PBX3: variants seen among roughly 807,000 people sequenced by gnomAD.
PBX3 encodes PBX homeobox 3.
Under a neutral mutation model 48.5 loss-of-function variants are expected in PBX3, and 14 were observed. That is an observed-to-expected ratio of 0.29 (90% CI 0.19 to 0.45). The LOEUF is 0.45. Ranked by LOEUF, PBX3 falls within the 20% of genes least tolerant of loss-of-function variation. The probability of loss-of-function intolerance (pLI) is 1.00; values close to 1 mark genes in which losing one functional copy is unlikely to be tolerated. For missense variants in PBX3, 386 were observed against 546.7 expected, an observed-to-expected ratio of 0.71 and a Z score of 2.93; for synonymous variants, 210 against 200.3, an observed-to-expected ratio of 1.05 and a Z score of -0.41.
chr9:125,752,799 T>A (rs933792170), intron 2 of PBX3, among the ~76,000 whole-genome samples: 3 of 152,254 alleles, frequency 2.0e-5, no homozygotes, highest in Admixed American at 2.0e-4. Flanking sequence ...TGTTATTATA[T>A]ATTTTGCATA....
At chr9:125,885,612 A>G (rs929277623) in intron 2 of PBX3, among the ~76,000 whole-genome samples, 29 of 152,150 alleles carry the variant, frequency 1.9e-4, no homozygotes, top group Non-Finnish European at 3.5e-4. Context: ...AAGTGCAACC[A>G]TATTGCTTCC....
intron 2 of PBX3, among the ~76,000 whole-genome samples, chr9:125,754,588 C>T (rs1252973838): frequency 9.3e-6 from 1 of 107,448 alleles, no homozygotes; most frequent in African/African-American, 2.7e-5. Flanking sequence ...TGCCTTCAAA[C>T]TCAGAACATA....
intron 2 of PBX3, among the ~76,000 whole-genome samples, chr9:125,822,502 T>A (rs1838682065): frequency 6.6e-6 from 1 of 152,174 alleles, no homozygotes; most frequent in Admixed American, 6.5e-5. Flanking sequence ...TCCTTAGATG[T>A]GGTTTTTCAT....
At chr9:125,843,770 C>T in intron 2 of PBX3, 2 of 455,602 alleles carry the variant, frequency 4.4e-6, no homozygotes, top group South Asian at 3.1e-5. Context: ...TGAAGGGAGC[C>T]AGAACATGAA....
intron 5 of PBX3, among the ~76,000 whole-genome samples, chr9:125,954,534 GT>G (rs1404690158): frequency 1.3e-5 from 2 of 152,036 alleles, no homozygotes; most frequent in Non-Finnish European, 2.9e-5. Context: ...GCAAGTTTAT[GT>G]TTTTTTGTTT....
chr9:125,870,628 G>A (rs1840099242), intron 2 of PBX3, among the ~76,000 whole-genome samples: 1 of 152,142 alleles, frequency 6.6e-6, no homozygotes, highest in Non-Finnish European at 1.5e-5. Flanking sequence ...TTCAAGATGA[G>A]GTTTGGGTGG....
intron 4 of PBX3, 78 bp downstream of exon 4, chr9:125,929,923 C>T (rs1027846238): frequency 9.0e-7 from 1 of 1,106,406 alleles, no homozygotes; most frequent in African/African-American, 1.6e-5. Context: ...TAAAACTGAC[C>T]AGTTGGTCTT....
intron 2 of PBX3, among the ~76,000 whole-genome samples, chr9:125,775,197 T>C (rs146922939): frequency 1.3e-5 from 2 of 152,272 alleles, no homozygotes; most frequent in Admixed American, 6.5e-5. Flanking sequence ...TCAACACTTA[T>C]TATTTTCCAT....
At chr9:125,859,996 C>G (rs1839820668) in intron 2 of PBX3, among the ~76,000 whole-genome samples, 1 of 152,212 alleles carries the variant, frequency 6.6e-6, no homozygotes, top group African/African-American at 2.4e-5. Context: ...GGGCTTAAAT[C>G]TCCTATGGGA....
At chr9:125,891,626 GTTTTC>G (rs1445891117) in intron 2 of PBX3, among the ~76,000 whole-genome samples, 9 of 152,096 alleles carry the variant, frequency 5.9e-5, no homozygotes, top group Non-Finnish European at 1.0e-4. Flanking sequence ...TCAAAAGTTT[GTTTTC>G]TTTTAAGCCT....
At chr9:125,844,249 T>C (rs1363816339) in intron 2 of PBX3, among the ~76,000 whole-genome samples, 1 of 151,506 alleles carries the variant, frequency 6.6e-6, no homozygotes, top group Non-Finnish European at 1.5e-5. Flanking sequence ...GAGTTAACGC[T>C]GGCAACAAGC....
intron 2 of PBX3, among the ~76,000 whole-genome samples, chr9:125,862,419 A>G (rs907674100): frequency 3.3e-5 from 5 of 152,078 alleles, no homozygotes; most frequent in African/African-American, 1.2e-4. Context: ...ACGGAGTTTC[A>G]CTGTGTTGCC....
chr9:125,874,198 G>T (rs981591104), intron 2 of PBX3, among the ~76,000 whole-genome samples: 2 of 151,966 alleles, frequency 1.3e-5, no homozygotes, highest in African/African-American at 2.4e-5. Flanking sequence ...AAAACCAGTA[G>T]TTTAAAATAT....
chr9:125,830,027 G>A (rs533685797), intron 2 of PBX3, among the ~76,000 whole-genome samples: 3 of 152,274 alleles, frequency 2.0e-5, no homozygotes, highest in South Asian at 4.1e-4. Context: ...GCAGTGTCTC[G>A]CGTCACTGTC....
Position 125,928,392 on chromosome 9 carries a change from ATGTGTG to A in PBX3, c.517-1237_517-1232del, listed in dbSNP as rs112869741. 1.2e-4 allele frequency among the ~76,000 whole-genome samples: 17 copies of A among 140,282 alleles called. 1 individual carries two copies. The South Asian group carries it at 2.5e-3, about 20-fold the overall frequency. 92.0% of individuals were successfully genotyped at this position (140,282 alleles called of 152,430 possible). A position where few individuals can be genotyped will look rare whatever the true frequency, so the allele number is the denominator to read the frequency against. ...AGACTCTGAATATTAGGGGAAACAAATGTGTGTGTGTGTGTGTGTGTGTGTGTGTGT... is the reference window on the plus strand; with the variant it reads ...AGACTCTGAATATTAGGGGAAACAAATGTGTGTGTGTGTGTGTGTGTGTGT... On this transcript the variant is annotated intron_variant, in intron 3 of 8. Transcript: ENST00000373489.
intron 2 of PBX3, among the ~76,000 whole-genome samples, chr9:125,770,303 G>A (rs1441317013): frequency 6.6e-6 from 1 of 152,122 alleles, no homozygotes; most frequent in Non-Finnish European, 1.5e-5. Context: ...AAAATCTCCA[G>A]AGTAAAAAGT....
chr9:125,873,438 CTTAA>C (rs1840175887), intron 2 of PBX3, among the ~76,000 whole-genome samples: 1 of 152,034 alleles, frequency 6.6e-6, no homozygotes, highest in African/African-American at 2.4e-5. Flanking sequence ...CTGAAAAAAA[CTTAA>C]CTATGAGTCA....
intron 2 of PBX3, among the ~76,000 whole-genome samples, chr9:125,780,277 C>T: frequency 7.5e-6 from 1 of 134,066 alleles, no homozygotes. Flanking sequence ...GGGTGGCTGG[C>T]CCGGCAGAGG....
chr9:125,940,597 C>T (rs1391451979), intron 5 of PBX3, among the ~76,000 whole-genome samples: 2 of 152,186 alleles, frequency 1.3e-5, no homozygotes, highest in Admixed American at 6.5e-5. Context: ...ACAATGCAAA[C>T]GTCCATCAAG....
Sources: gnomAD v4.1 joint callset for allele counts (sites outside exome capture counted in the v4.1 genomes callset) on GRCh38, gnomAD v4.1.1 for gene constraint, MANE v1.5 for transcripts, NCBI Gene and HGNC (gene_info 2026-07-23, HGNC 2026-07-21) for gene names.